Variants in CDK5RAP2 observed in about 807,000 individuals in gnomAD.
CDK5RAP2 encodes CDK5 regulatory subunit associated protein 2, also known as CDK5 regulatory subunit-associated protein 2.
CDK5RAP2 carries 147 observed loss-of-function variants against 232.9 expected under a neutral mutation model. The ratio of observed to expected loss-of-function variants is 0.63; its 90% CI spans 0.55 to 0.72. The LOEUF (loss-of-function observed/expected upper bound fraction) is 0.72. Among genes scored for constraint, CDK5RAP2 ranks in the 30% least tolerant of loss-of-function variants. CDK5RAP2 has a pLI of 0.00. For synonymous variants in CDK5RAP2, 833 were observed against 833.7 expected (o/e 1.00, Z 0.01); for missense variants, 2,195 against 2,231.5 (o/e 0.98, Z 0.33).
At chr9:120,430,705 G>T (rs1204246671) in intron 25 of CDK5RAP2, among the ~76,000 whole-genome samples, 12 of 146,368 alleles carry the variant, frequency 8.2e-5, no homozygotes, top group South Asian at 4.4e-4. Flanking sequence ...TCAGTGTGGC[G>T]ATTCCTCAGG....
chr9:120,537,956 A>G lies in CDK5RAP2; in HGVS notation c.507+1085T>C, dbSNP rs1239485060. 2.0e-5 allele frequency among the ~76,000 whole-genome samples: 3 copies of G among 152,210 alleles called. No homozygotes were observed. In the East Asian group the frequency reaches 5.8e-4, roughly 29 times the overall value. On this transcript the variant is annotated intron_variant, in intron 6 of 37. Coordinates refer to ENST00000349780, the MANE Select transcript of CDK5RAP2 (RefSeq NM_018249.6). The stretch of plus-strand genomic sequence containing the variant: ...TCCTAGGTGATAAAGCTAGTAAGTG[A>G]CAGAGCAGAGACCTGTCACTCCAAC...
rs550215674 is a variant in CDK5RAP2 at position 120,545,393 on chromosome 9, G to C, written c.383+321C>G. Among the ~76,000 whole-genome samples, 3 of 152,328 alleles carry C rather than the reference G, an allele frequency of 2.0e-5. No homozygotes were observed. The East Asian group carries it at 5.8e-4, about 29-fold the overall frequency. Reference sequence around the variant, plus strand: ...GTGGTCAGAATGGTAGTTATCTTTAGGGGAGAAAGGTGAGCTCTGAGAACA... The same window carrying C: ...GTGGTCAGAATGGTAGTTATCTTTACGGGAGAAAGGTGAGCTCTGAGAACA... On this transcript the variant is annotated intron_variant, in intron 5 of 37. Coordinates refer to ENST00000349780, the MANE Select transcript of CDK5RAP2 (RefSeq NM_018249.6).
intron 6 of CDK5RAP2, 123 bp from the exon 7 acceptor site, chr9:120,536,649 T>C (rs914379720): frequency 3.2e-6 from 3 of 937,980 alleles, no homozygotes; most frequent in South Asian, 1.4e-5. Context: ...CCTCCCTGAA[T>C]TGTACTATAC....
At chr9:120,426,823 A>G (rs2034933734) in intron 25 of CDK5RAP2, among the ~76,000 whole-genome samples, 1 of 152,096 alleles carries the variant, frequency 6.6e-6, no homozygotes, top group African/African-American at 2.4e-5. Flanking sequence ...GCTATAATGG[A>G]GTCAGGTTAG....
At chr9:120,500,618 TGAA>T (rs1307501730) in intron 12 of CDK5RAP2, among the ~76,000 whole-genome samples, 1 of 152,236 alleles carries the variant, frequency 6.6e-6, no homozygotes, top group Non-Finnish European at 1.5e-5. Context: ...TTGTGGGCCA[TGAA>T]TGAAAATAGT....
intron 18 of CDK5RAP2, among the ~76,000 whole-genome samples, chr9:120,466,181 A>T (rs2037369055): frequency 6.6e-6 from 1 of 152,172 alleles, no homozygotes; most frequent in African/African-American, 2.4e-5. Context: ...TTTGCAAGTC[A>T]TGCTGCTTGG....
chr9:120,478,725 G>A (rs1435024172), intron 14 of CDK5RAP2, among the ~76,000 whole-genome samples: 4 of 152,198 alleles, frequency 2.6e-5, no homozygotes, highest in African/African-American at 9.7e-5. Context: ...AGACTGCAAT[G>A]AGCTAGGATC....
intron 13 of CDK5RAP2, among the ~76,000 whole-genome samples, chr9:120,489,100 G>A (rs983786372): frequency 6.6e-6 from 1 of 152,240 alleles, no homozygotes; most frequent in Non-Finnish European, 1.5e-5. Flanking sequence ...CACACTTGCT[G>A]ACAGCTTGGC....
At chr9:120,502,292 T>C (rs1276438994) in intron 12 of CDK5RAP2, among the ~76,000 whole-genome samples, 2 of 152,228 alleles carry the variant, frequency 1.3e-5, no homozygotes, top group African/African-American at 2.4e-5. Flanking sequence ...ACCCGTTAAT[T>C]CTAAAAATGT....
intron 14 of CDK5RAP2, among the ~76,000 whole-genome samples, chr9:120,478,118 C>G (rs532874915): frequency 5.9e-5 from 9 of 152,310 alleles, no homozygotes; most frequent in Non-Finnish European, 1.2e-4. Flanking sequence ...CCTACCAGTT[C>G]TGAGACTCTG....
In CDK5RAP2 at chr9:120,577,265, C is replaced by G. The variant is rs191064119; in HGVS notation, c.59+2655G>C. ...TAGTCCCGGCCACTAAGTGGCTGAA[C>G]CATGAGAATTGCTTGAACTCTGGAG... On this transcript the variant is annotated intron_variant, in intron 1 of 37. Transcript: ENST00000349780. Among the ~76,000 whole-genome samples, 621 of 151,516 alleles carry G rather than the reference C, an allele frequency of 4.1e-3. 4 individuals carry two copies. The highest frequency in any genetic ancestry group is 0.014 in the African/African-American group (562 of 41,334).
intron 32 of CDK5RAP2, chr9:120,406,372 T>G (rs1485964376): frequency 6.5e-6 from 1 of 152,812 alleles, no homozygotes; most frequent in African/African-American, 2.4e-5. Flanking sequence ...TGCTGCCTAC[T>G]TGCTGTGCCA....
chr9:120,401,308 T>C (rs2032985737), intron 34 of CDK5RAP2, among the ~76,000 whole-genome samples: 1 of 151,862 alleles, frequency 6.6e-6, no homozygotes, highest in African/African-American at 2.4e-5. Context: ...GATATCAGGG[T>C]CTTGTACTGC....
chr9:120,518,198 TGTGTGTGTGTGTGAGAGAGAGAGA>T (rs1474079731), intron 12 of CDK5RAP2, among the ~76,000 whole-genome samples: 1,176 of 107,318 alleles, frequency 0.011, 15 homozygotes, highest in African/African-American at 0.039. Context: ...TGTGTGTGTG[TGTGTGTGTGTGTGAGAGAGAGAGA>T]GAGAGAGAGA....
chr9:120,429,881 A>G (rs2035171138), intron 25 of CDK5RAP2, among the ~76,000 whole-genome samples: 1 of 152,228 alleles, frequency 6.6e-6, no homozygotes, highest in Non-Finnish European at 1.5e-5. Flanking sequence ...TACAGTAACC[A>G]AAACAGCATG....
intron 11 of CDK5RAP2, 143 bp from the exon 12 acceptor site, chr9:120,518,788 A>C: frequency 1.0e-5 from 7 of 670,492 alleles, no homozygotes; most frequent in South Asian, 8.6e-5. Context: ...CCAAAGCAAA[A>C]ATAATAGGAA....
At chr9:120,472,080 C>T (rs1038782639) in intron 15 of CDK5RAP2, among the ~76,000 whole-genome samples, 9 of 152,196 alleles carry the variant, frequency 5.9e-5, no homozygotes, top group Admixed American at 2.6e-4. Flanking sequence ...CCAACTAACA[C>T]ACGGCAGACT....
At chr9:120,436,393 A>G (rs907807964) in intron 25 of CDK5RAP2, among the ~76,000 whole-genome samples, 1 of 152,242 alleles carries the variant, frequency 6.6e-6, no homozygotes, top group African/African-American at 2.4e-5. Flanking sequence ...CATGACAACT[A>G]AATGTAACGT....
chr9:120,565,016 T>C (rs1182471011), intron 3 of CDK5RAP2, among the ~76,000 whole-genome samples: 2 of 152,186 alleles, frequency 1.3e-5, no homozygotes, highest in Non-Finnish European at 2.9e-5. Context: ...CAGGTGATTA[T>C]ACCCTCAGCT....
Sources: allele counts gnomAD v4.1 joint callset (sites outside exome capture counted in the v4.1 genomes callset), GRCh38; gene constraint gnomAD v4.1.1; transcripts MANE v1.5; gene names NCBI Gene and HGNC (gene_info 2026-07-23, HGNC 2026-07-21).